The following ST7L variants were observed in gnomAD, a reference collection of about 807,000 sequenced individuals.
ST7L encodes suppression of tumorigenicity 7 like, also known as suppressor of tumorigenicity 7 protein-like.
A neutral mutation model predicts 72.5 loss-of-function variants in ST7L; 57 were observed. The ratio of observed to expected loss-of-function variants is 0.79; its 90% CI spans 0.64 to 0.98. The LOEUF is 0.98. Among genes scored for constraint, ST7L ranks in the 50% least tolerant of loss-of-function variants. ST7L has a pLI of 0.00. For synonymous variants in ST7L, 221 were observed against 240.9 expected (o/e 0.92, Z 0.77); for missense variants, 576 against 672.2 (o/e 0.86, Z 1.58).
At chr1:112,550,537 A>C in intron 13 of ST7L, 64 bp downstream of exon 13, 1 of 1,273,912 alleles carries the variant, frequency 7.8e-7, no homozygotes, top group Non-Finnish European at 1.1e-6. Flanking sequence ...AAAATGGAGA[A>C]TACTATGACA....
chr1:112,527,656 C>T (rs1381534276), intron 14 of ST7L: 1 of 152,678 alleles, frequency 6.5e-6, no homozygotes, highest in Non-Finnish European at 1.5e-5. Context: ...GCTAACTTGG[C>T]TTTCCGTGGA....
At chr1:112,549,064 G>A (rs1375568213) in intron 13 of ST7L, among the ~76,000 whole-genome samples, 2 of 151,618 alleles carry the variant, frequency 1.3e-5, no homozygotes, top group Non-Finnish European at 2.9e-5. Context: ...CGATTGTATT[G>A]AATCTATAGA....
At chr1:112,519,854 A>T (rs1652758015), downstream of ST7L, among the ~76,000 whole-genome samples, 1 of 145,854 alleles carries the variant, frequency 6.9e-6, no homozygotes. Context: ...AGACAAGATG[A>T]TGTCAGAGCC....
At chr1:112,563,413 T>C (rs1354688771) in intron 11 of ST7L, among the ~76,000 whole-genome samples, 1 of 152,184 alleles carries the variant, frequency 6.6e-6, no homozygotes, top group Non-Finnish European at 1.5e-5. Context: ...CAGATGGAAA[T>C]GCTAAGTCTA....
chr1:112,535,772 C>A (rs1480967896), intron 14 of ST7L, among the ~76,000 whole-genome samples: 1 of 151,904 alleles, frequency 6.6e-6, no homozygotes, highest in South Asian at 2.1e-4. Flanking sequence ...TTCTTTCCCC[C>A]TTAGAAGAGC....
At chr1:112,561,378 CA>C (rs33953697) in intron 11 of ST7L, among the ~76,000 whole-genome samples, 69 of 90,568 alleles carry the variant, frequency 7.6e-4, no homozygotes, top group Admixed American at 2.7e-3. Context: ...CTCCCTGCCT[CA>C]AAAAAAAAAA....
chr1:112,617,412 G>A (rs1311909021), intron 1 of ST7L: 1 of 152,798 alleles, frequency 6.5e-6, no homozygotes, highest in Non-Finnish European at 1.5e-5. Flanking sequence ...GTGGGTTTTA[G>A]AAAGAAAATA....
intron 14 of ST7L, chr1:112,540,522 G>C: frequency 2.0e-6 from 2 of 985,360 alleles, no homozygotes; most frequent in Non-Finnish European, 2.4e-6. Context: ...AACAACAGTG[G>C]AAAGTCATTC....
chr1:112,613,910 TAC>T (rs1371110526), intron 2 of ST7L, among the ~76,000 whole-genome samples: 3 of 152,098 alleles, frequency 2.0e-5, no homozygotes, highest in Admixed American at 6.6e-5. Context: ...TAAAATTTTA[TAC>T]AGAGACCAGA....
intron 9 of ST7L, among the ~76,000 whole-genome samples, chr1:112,578,642 C>T (rs1208771551): frequency 2.0e-5 from 3 of 152,026 alleles, no homozygotes; most frequent in East Asian, 3.9e-4. Context: ...GGCATGGTGG[C>T]GCATGCCTGT....
chr1:112,526,298 C>G (rs1271012819), intron 14 of ST7L, 187 bp from the exon 15 acceptor site: 2 of 614,204 alleles, frequency 3.3e-6, no homozygotes, highest in African/African-American at 1.8e-5. Context: ...ACAACATATT[C>G]CACATTTAAA....
At chr1:112,605,689 C>CAA (rs533526835) in intron 3 of ST7L, among the ~76,000 whole-genome samples, 1 of 142,782 alleles carries the variant, frequency 7.0e-6, no homozygotes, top group East Asian at 2.0e-4. Flanking sequence ...GACTCTGTCT[C>CAA]AAAAAAAAAA....
chr1:112,601,515 G>C (rs927263177), intron 3 of ST7L, among the ~76,000 whole-genome samples: 23 of 152,058 alleles, frequency 1.5e-4, no homozygotes, highest in African/African-American at 5.6e-4. Flanking sequence ...AAAATGCTGG[G>C]ATTACAGGTG....
chr1:112,599,073 A>AAAAAAATATATAT lies in ST7L; in HGVS notation c.507-988_507-987insATATATATTTTTT, dbSNP rs1190968815. Reference sequence around the variant, plus strand: ...AGACTCAGCCTCAAAAAAAAAAAAAAATATATATATATATATATATATATA... The same window carrying AAAAAAATATATAT: ...AGACTCAGCCTCAAAAAAAAAAAAAAAAAAAATATATATATATATATATATATATATATATATA... On this transcript the variant is annotated intron_variant, in intron 4 of 14. Transcript: ENST00000358039. Among the ~76,000 whole-genome samples, 123 of 56,954 alleles carry AAAAAAATATATAT rather than the reference A, an allele frequency of 2.2e-3. 1 individual carries two copies. Among genetic ancestry groups the AAAAAAATATATAT allele is most frequent in the Admixed American group, 4.8e-3 (17 of 3,544 alleles). 37.4% of individuals were successfully genotyped at this position (56,954 alleles called of 152,430 possible).
chr1:112,576,821 G>A (rs763011519), intron 11 of ST7L, among the ~76,000 whole-genome samples, 165 bp downstream of exon 11: 1 of 152,200 alleles, frequency 6.6e-6, no homozygotes, highest in East Asian at 1.9e-4. Context: ...CTTTCTAAAT[G>A]CCTAAATGTT....
chr1:112,619,215 A>G (rs1365730504), upstream of ST7L: 1 of 1,143,150 alleles, frequency 8.7e-7, no homozygotes, highest in East Asian at 2.6e-5. Context: ...GGCCTCTGTG[A>G]AGGCTGAGTC....
At chr1:112,595,754 T>C (rs1666392484) in intron 5 of ST7L, among the ~76,000 whole-genome samples, 1 of 152,194 alleles carries the variant, frequency 6.6e-6, no homozygotes, top group Non-Finnish European at 1.5e-5. Context: ...TAGTGGGTAT[T>C]AAATCATTTG....
chr1:112,575,337 G>A (rs185963340), intron 11 of ST7L, among the ~76,000 whole-genome samples: 13 of 152,150 alleles, frequency 8.5e-5, no homozygotes, highest in East Asian at 1.9e-4. Context: ...CAAACCCTAC[G>A]TACACCATGT....
chr1:112,603,922 G>A (rs148769154), intron 3 of ST7L, among the ~76,000 whole-genome samples: 3,058 of 152,188 alleles, frequency 0.02, 104 homozygotes, highest in African/African-American at 0.069. Context: ...TCATATGGGG[G>A]ATTAGGGGTT....
Sources: allele counts gnomAD v4.1 joint callset (sites outside exome capture counted in the v4.1 genomes callset), GRCh38; gene constraint gnomAD v4.1.1; transcripts MANE v1.5; gene names NCBI Gene and HGNC (gene_info 2026-07-23, HGNC 2026-07-21).